Variants in LIPI observed in about 807,000 individuals in gnomAD.
The protein encoded by LIPI is lipase I.
LIPI carries 59 observed loss-of-function variants against 50.6 expected under a neutral mutation model. That is an observed-to-expected ratio of 1.16 (90% confidence interval 0.94 to 1.45). LIPI has a LOEUF of 1.45. Among genes scored for constraint, LIPI ranks in the 40% most tolerant of loss-of-function variants. The pLI is 0.00. For missense variants in LIPI, 586 were observed against 536.3 expected, an observed-to-expected ratio of 1.09 and a Z score of -0.92; for synonymous variants, 203 against 178.2, an observed-to-expected ratio of 1.14 and a Z score of -1.11.
chr21:14,200,939 T>C (rs142701255), intron 1 of LIPI, among the ~76,000 whole-genome samples: 94 of 151,786 alleles, frequency 6.2e-4, no homozygotes, highest in African/African-American at 1.9e-3. Context: ...TGGAACAGAG[T>C]AGAGAACCCA....
At chr21:14,164,621 C>T (rs917206121) in intron 6 of LIPI, among the ~76,000 whole-genome samples, 5 of 152,250 alleles carry the variant, frequency 3.3e-5, no homozygotes, top group East Asian at 1.9e-4. Flanking sequence ...TTTTGAAAAA[C>T]CCTGAGCAAA....
At chr21:14,127,509 A>C (rs2017112403) in intron 9 of LIPI, among the ~76,000 whole-genome samples, 1 of 152,180 alleles carries the variant, frequency 6.6e-6, no homozygotes, top group Non-Finnish European at 1.5e-5. Context: ...TCCATGTTTA[A>C]ATTTTACATA....
chr21:14,167,377 C>G (rs12483620), intron 4 of LIPI, among the ~76,000 whole-genome samples: 42,341 of 152,126 alleles, frequency 0.28, 6,983 homozygotes, highest in East Asian at 0.46. Context: ...TCCCAGCACG[C>G]AGCTGGAGAT....
chr21:14,168,904 AG>A (rs1232800715), intron 4 of LIPI, among the ~76,000 whole-genome samples: 1 of 151,772 alleles, frequency 6.6e-6, no homozygotes, highest in Non-Finnish European at 1.5e-5. Context: ...TCCAATTAAA[AG>A]ACACAGACTG....
chr21:14,142,440 TTATA>T (rs1168989216), intron 9 of LIPI, among the ~76,000 whole-genome samples: 2 of 149,642 alleles, frequency 1.3e-5, no homozygotes, highest in African/African-American at 4.9e-5. Context: ...TAATTATGTA[TTATA>T]TAAGTATATT....
chr21:14,187,451 G>A (rs1043741446), intron 2 of LIPI, among the ~76,000 whole-genome samples: 3 of 152,150 alleles, frequency 2.0e-5, no homozygotes, highest in South Asian at 2.1e-4. Context: ...AGTATCTCTC[G>A]AGACTCCAGT....
chr21:14,125,919 C>T (rs2017046146), intron 9 of LIPI, among the ~76,000 whole-genome samples: 1 of 151,920 alleles, frequency 6.6e-6, no homozygotes, highest in South Asian at 2.1e-4. Context: ...TAAATATCCT[C>T]AATTAAATGG....
chr21:14,152,474 T>TA, intron 8 of LIPI, 99 bp downstream of exon 8: 1 of 657,130 alleles, frequency 1.5e-6, no homozygotes, highest in South Asian at 1.8e-5. Context: ...CTCTCTAGAT[T>TA]AAAAAATAAA....
chr21:14,129,864 G>C (rs916961901), intron 9 of LIPI, among the ~76,000 whole-genome samples: 69 of 147,886 alleles, frequency 4.7e-4, no homozygotes, highest in African/African-American at 1.7e-3. Flanking sequence ...TTCTTCTCAA[G>C]TGAGGCACAA....
intron 9 of LIPI, among the ~76,000 whole-genome samples, chr21:14,138,852 A>G (rs2017603279): frequency 1.3e-5 from 2 of 152,220 alleles, no homozygotes; most frequent in East Asian, 3.9e-4. Context: ...CATTTACATA[A>G]CACTTATATG....
chr21:14,120,010 A>C (rs561195301), intron 9 of LIPI, among the ~76,000 whole-genome samples: 1 of 152,310 alleles, frequency 6.6e-6, no homozygotes, highest in East Asian at 1.9e-4. Context: ...GAATACATAC[A>C]TCACCTTAGA....
chr21:14,170,561 T>G (rs941420416), intron 4 of LIPI, among the ~76,000 whole-genome samples: 4 of 152,196 alleles, frequency 2.6e-5, no homozygotes, highest in Admixed American at 6.6e-5. Flanking sequence ...TGGTTCAATA[T>G]ACGCAAATCA....
At chr21:14,178,397 C>A (rs1255700583) in intron 4 of LIPI, among the ~76,000 whole-genome samples, 3 of 151,944 alleles carry the variant, frequency 2.0e-5, no homozygotes, top group African/African-American at 7.3e-5. Flanking sequence ...TCTTTGGTAC[C>A]CATTTGCTTC....
At chr21:14,123,466 G>C (rs971614967) in intron 9 of LIPI, among the ~76,000 whole-genome samples, 1 of 152,114 alleles carries the variant, frequency 6.6e-6, no homozygotes, top group African/African-American at 2.4e-5. Context: ...GTGTGTTAGG[G>C]ACAATAAGAC....
intron 4 of LIPI, among the ~76,000 whole-genome samples, chr21:14,169,176 A>G (rs945176772): frequency 1.3e-5 from 2 of 152,218 alleles, no homozygotes; most frequent in African/African-American, 4.8e-5. Context: ...TCCTAAATGT[A>G]TATGCACCCA....
chr21:14,177,872 A>G (rs2019148549), intron 4 of LIPI, among the ~76,000 whole-genome samples: 1 of 152,138 alleles, frequency 6.6e-6, no homozygotes, highest in Admixed American at 6.5e-5. Context: ...CCTGAAGAAT[A>G]CATTTCTGCT....
At chr21:14,119,458 G>A (rs1007996719) in intron 9 of LIPI, among the ~76,000 whole-genome samples, 9 of 152,170 alleles carry the variant, frequency 5.9e-5, no homozygotes, top group Non-Finnish European at 1.2e-4. Flanking sequence ...AAAGGAGACT[G>A]TCTGTAGCAT....
intron 4 of LIPI, among the ~76,000 whole-genome samples, chr21:14,177,085 CT>C (rs1033023500): frequency 1.3e-5 from 2 of 151,846 alleles, no homozygotes; most frequent in African/African-American, 4.8e-5. Flanking sequence ...GTGTAGTTGC[CT>C]TTTTTTGCAA....
chr21:14,182,682 A>C (rs13049201), intron 3 of LIPI, among the ~76,000 whole-genome samples: 36,653 of 149,676 alleles, frequency 0.24, 4,658 homozygotes, highest in Middle Eastern at 0.32. Flanking sequence ...CTTCAAGGAG[A>C]ACTACAAACC....
Sources: gnomAD v4.1 joint callset for allele counts (sites outside exome capture counted in the v4.1 genomes callset) on GRCh38, gnomAD v4.1.1 for gene constraint, MANE v1.5 for transcripts, NCBI Gene and HGNC (gene_info 2026-07-23, HGNC 2026-07-21) for gene names.